The following CDC37L1 variants were observed in gnomAD, a reference collection of about 807,000 sequenced individuals.
CDC37L1 encodes the protein hsp90 co-chaperone Cdc37-like 1.
CDC37L1 carries 32 observed loss-of-function variants against 45.9 expected under a neutral mutation model. The observed-to-expected ratio is 0.70, with a 90% CI of 0.53 to 0.94. The LOEUF is 0.94. Among genes scored for constraint, CDC37L1 ranks in the 40% least tolerant of loss-of-function variants. CDC37L1 has a pLI of 0.00. For synonymous variants in CDC37L1, 150 were observed against 133.0 expected (o/e 1.13, Z -0.88); for missense variants, 434 against 405.7 (o/e 1.07, Z -0.60).
chr9:4,705,351 A>G (rs953886451), intron 6 of CDC37L1, among the ~76,000 whole-genome samples: 3 of 152,056 alleles, frequency 2.0e-5, no homozygotes, highest in African/African-American at 7.2e-5. Flanking sequence ...TAATGGTTTT[A>G]TTTTTGCATT....
chr9:4,700,132 A>G (rs1006159738), intron 5 of CDC37L1, among the ~76,000 whole-genome samples: 1 of 152,150 alleles, frequency 6.6e-6, no homozygotes, highest in Non-Finnish European at 1.5e-5. Flanking sequence ...TATTTTAGCT[A>G]GGCTGCTTCT....
In CDC37L1 at chr9:4,701,988, C is replaced by T. The variant is rs7036014; in HGVS notation, c.872C>T (p.Ser291Phe). 7 of 1,538,158 alleles carry T rather than the reference C, an allele frequency of 4.6e-6. No homozygotes were observed. The African/African-American group carries it at 8.5e-5, about 19-fold the overall frequency. Reference protein sequence around the residue: ...PMTVQNHVPHSGVGSIGLLES... With the variant: ...PMTVQNHVPHFGVGSIGLLES... ...ACAGTTCAGAATCATGTTCCCCATTCTGGTGTTGGATCTATAGGTTTATTA... is the reference window on the plus strand; with the variant it reads ...ACAGTTCAGAATCATGTTCCCCATTTTGGTGTTGGATCTATAGGTTTATTA... Residue 291 changes from serine (S) to phenylalanine (F), a missense_variant, in exon 6 of 7, where the codon TCT (serine) becomes TTT (phenylalanine). Transcript: ENST00000381854.
intron 3 of CDC37L1, among the ~76,000 whole-genome samples, chr9:4,695,705 G>A (rs550739788): frequency 2.0e-5 from 3 of 152,138 alleles, no homozygotes; most frequent in Non-Finnish European, 4.4e-5. Flanking sequence ...CTATGTTGCT[G>A]AGGTTGGCCT....
At chr9:4,684,500 G>T (rs12346047) in intron 1 of CDC37L1, among the ~76,000 whole-genome samples, 3,624 of 152,206 alleles carry the variant, frequency 0.024, 115 homozygotes, top group African/African-American at 0.072. Context: ...AATTATAAAG[G>T]CCTGGTTGTC....
rs201417825 is a variant in CDC37L1 at position 4,685,165 on chromosome 9, G to A, written c.414+7G>A. 2.9e-4 allele frequency: 468 copies of A among 1,604,942 alleles called. 2 individuals are homozygous for A. Among genetic ancestry groups the A allele is most frequent in the African/African-American group, 1.2e-4 (9 of 74,716 alleles). ...CAAGGATGTTTTTAATAAGGTATGA[G>A]CTTTTACTGGGCCATAATGAAAGAA... On this transcript the variant is annotated splice_region_variant and intron_variant, in intron 2 of 6. Transcript: ENST00000381854.
chr9:4,703,161 A>T, intron 6 of CDC37L1: 4 of 1,493,464 alleles, frequency 2.7e-6, no homozygotes, highest in Non-Finnish European at 3.6e-6. Context: ...CTTATTCAAA[A>T]GACAATGTGA....
At chr9:4,686,339 G>T (rs542859747) in intron 2 of CDC37L1, among the ~76,000 whole-genome samples, 5 of 152,024 alleles carry the variant, frequency 3.3e-5, no homozygotes, top group Non-Finnish European at 7.4e-5. Context: ...TATCTTTCTC[G>T]ACTTTCTCTG....
chr9:4,702,978 TGCCTGATGCTA>T, intron 6 of CDC37L1: 1 of 1,071,258 alleles, frequency 9.3e-7, no homozygotes, highest in Non-Finnish European at 1.3e-6. Flanking sequence ...ACCACTGGTC[TGCCTGATGCTA>T]GTTAGGATTA....
chr9:4,698,455 T>G (rs1324513136), intron 5 of CDC37L1, among the ~76,000 whole-genome samples: 1 of 149,834 alleles, frequency 6.7e-6, no homozygotes, highest in South Asian at 2.2e-4. Flanking sequence ...TAGATGATGT[T>G]GGCTATGTTG....
Position 4,679,858 on chromosome 9 carries a change from A to G in CDC37L1, c.91A>G (p.Ser31Gly), listed in dbSNP as rs376094853. 6.8e-6 allele frequency: 11 copies of G among 1,613,802 alleles called. No homozygotes were observed. The highest frequency in any genetic ancestry group is 6.7e-5 in the African/African-American group (5 of 74,924). The change falls in exon 1 of 7, where the codon AGT (serine) becomes GGT (glycine). Residue 31 changes from serine (S) to glycine (G), a missense_variant. Ser to Gly is a moderately conservative substitution (Grantham distance 56). Transcript: ENST00000381854. ...EEESDFDVFP[S>G]SPRCPQLPGG... is the part of the protein sequence containing the mutation. ...AGAGAGTGACTTCGACGTGTTCCCC[A>G]GTTCTCCCCGCTGCCCGCAGCTGCC...
Position 4,679,716 on chromosome 9 carries a change from G to A in CDC37L1, c.-52G>A, listed in dbSNP as rs1306361875. 1 of 1,551,620 alleles carries A rather than the reference G, an allele frequency of 6.4e-7. No homozygotes were observed. On this transcript the variant is annotated 5_prime_UTR_variant, in exon 1 of 7. Coordinates refer to ENST00000381854, the MANE Select transcript of CDC37L1 (RefSeq NM_017913.4). Reference sequence around the variant, plus strand: ...GGTTCCATTCACGCCAAGTCTGTTGGCAGTGGCAGTTGTAGGGCCAAGGGC... The same window carrying A: ...GGTTCCATTCACGCCAAGTCTGTTGACAGTGGCAGTTGTAGGGCCAAGGGC...
At chr9:4,693,559 G>C (rs368512109) in intron 3 of CDC37L1, among the ~76,000 whole-genome samples, 5 of 152,212 alleles carry the variant, frequency 3.3e-5, no homozygotes, top group African/African-American at 9.6e-5. Context: ...TTAGGAATCA[G>C]GTGGCATATT....
In CDC37L1 at chr9:4,695,936, C is replaced by T. The variant is rs1003452053; in HGVS notation, c.509-1160C>T. Among the ~76,000 whole-genome samples the T allele has an allele frequency of 7.9e-5, 12 of 152,236 alleles. No individual in the cohort carries two copies. In the East Asian group the frequency reaches 2.1e-3, roughly 27 times the overall value. ...CTTCCAAGTAGCTGGGATTTACCTG[C>T]CACCATGCCCAACTAATTTTTATAT... On this transcript the variant is annotated intron_variant, in intron 3 of 6. Coordinates refer to ENST00000381854, the MANE Select transcript of CDC37L1 (RefSeq NM_017913.4).
In CDC37L1 at chr9:4,697,117, A is replaced by T; in HGVS notation, c.530A>T (p.Asp177Val). Reference protein sequence around the residue: ...RHFGMLSRWDDSQRFLSDHPY... With the variant: ...RHFGMLSRWDVSQRFLSDHPY... Reference sequence around the variant, plus strand: ...ACAGGTATGTTGAGTCGATGGGATGATAGCCAGAGATTTTTGTCTGACCAT... The same window carrying T: ...ACAGGTATGTTGAGTCGATGGGATGTTAGCCAGAGATTTTTGTCTGACCAT... The change falls in exon 4 of 7, where the codon GAT becomes GTT. Residue 177 changes from aspartate (D) to valine (V), a missense_variant. Coordinates refer to ENST00000381854, the MANE Select transcript of CDC37L1 (RefSeq NM_017913.4). 1 of 1,543,468 alleles carries T rather than the reference A, an allele frequency of 6.5e-7. No individual in the cohort carries two copies. The highest frequency in any genetic ancestry group is 1.4e-5 in the African/African-American group (1 of 73,554).
At chr9:4,684,491 A>C (rs1841228408) in intron 1 of CDC37L1, among the ~76,000 whole-genome samples, 1 of 152,216 alleles carries the variant, frequency 6.6e-6, no homozygotes, top group Non-Finnish European at 1.5e-5. Flanking sequence ...GGAGAACAAA[A>C]TTATAAAGGC....
intron 6 of CDC37L1, among the ~76,000 whole-genome samples, chr9:4,705,163 C>G (rs1401015485): frequency 6.6e-6 from 1 of 152,150 alleles, no homozygotes; most frequent in Non-Finnish European, 1.5e-5. Flanking sequence ...TGTTTGACTA[C>G]TGTCCTCACT....
chr9:4,686,705 A>C (rs1302215490), intron 2 of CDC37L1, among the ~76,000 whole-genome samples: 2 of 152,166 alleles, frequency 1.3e-5, no homozygotes, highest in African/African-American at 4.8e-5. Flanking sequence ...TGTTCCAGTC[A>C]TTTGCTCAAA....
intron 1 of CDC37L1, among the ~76,000 whole-genome samples, chr9:4,682,946 A>C (rs1382381822): frequency 6.8e-6 from 1 of 147,126 alleles, no homozygotes; most frequent in Non-Finnish European, 1.5e-5. Flanking sequence ...AAAAGTAAAA[A>C]TAAATATTTT....
chr9:4,687,214 A>G (rs1056971582), intron 2 of CDC37L1, among the ~76,000 whole-genome samples: 5 of 152,218 alleles, frequency 3.3e-5, no homozygotes, highest in Non-Finnish European at 5.9e-5. Context: ...GGGTATAAAT[A>G]TGATCACAGA....
Sources: gnomAD v4.1 joint callset for allele counts (sites outside exome capture counted in the v4.1 genomes callset) on GRCh38, gnomAD v4.1.1 for gene constraint, MANE v1.5 for transcripts, NCBI Gene and HGNC (gene_info 2026-07-23, HGNC 2026-07-21) for gene names.